Variants in ARHGAP42 observed in about 807,000 individuals in gnomAD.
ARHGAP42 encodes the protein Rho GTPase activating protein 42.
Under a neutral mutation model 125.0 loss-of-function variants are expected in ARHGAP42, and 63 were observed. The observed-to-expected ratio is 0.50, with a 90% CI of 0.41 to 0.62. The LOEUF (loss-of-function observed/expected upper bound fraction) is 0.62. Ranked by LOEUF, ARHGAP42 falls within the 20% of genes least tolerant of loss-of-function variation. The pLI is 0.00. For synonymous variants in ARHGAP42, 339 were observed against 351.0 expected, an observed-to-expected ratio of 0.97 and a Z score of 0.38; for missense variants, 766 against 1,024.2, an observed-to-expected ratio of 0.75 and a Z score of 3.44.
At position 100,690,891 on chromosome 11, in the gene ARHGAP42, C is replaced by T. The variant is rs754937461; in HGVS notation, c.154+3059C>T. Reference sequence around the variant, plus strand: ...CTGGTATTACAGGTGTGAGCCACCGCGCCCGGCCAACATCCATTATTACGT... The same window carrying T: ...CTGGTATTACAGGTGTGAGCCACCGTGCCCGGCCAACATCCATTATTACGT... On this transcript the variant is annotated intron_variant, in intron 1 of 23. Transcript: ENST00000298815. 5.9e-5 allele frequency among the ~76,000 whole-genome samples: 9 copies of T among 152,258 alleles called. No individual in the cohort carries two copies. In the East Asian group the frequency reaches 7.7e-4, roughly 13 times the overall value.
At chr11:100,961,634 A>G (rs1857958166) in intron 14 of ARHGAP42, 50 bp from the exon 15 acceptor site, 3 of 1,486,824 alleles carry the variant, frequency 2.0e-6, no homozygotes. Flanking sequence ...TAATTGCATA[A>G]GAAATATTTT....
intron 1 of ARHGAP42, among the ~76,000 whole-genome samples, chr11:100,749,803 T>G (rs1862401798): frequency 6.6e-6 from 1 of 152,196 alleles, no homozygotes; most frequent in African/African-American, 2.4e-5. Flanking sequence ...TAGGGTCGTT[T>G]GTGATCATTC....
At chr11:100,823,825 G>A (rs927111036) in intron 3 of ARHGAP42, among the ~76,000 whole-genome samples, 3 of 152,078 alleles carry the variant, frequency 2.0e-5, no homozygotes, top group Admixed American at 6.6e-5. Flanking sequence ...CCTCTGAGAA[G>A]CTCTTATGAT....
At chr11:100,853,113 C>T (rs1320946841) in intron 3 of ARHGAP42, among the ~76,000 whole-genome samples, 1 of 152,124 alleles carries the variant, frequency 6.6e-6, no homozygotes, top group African/African-American at 2.4e-5. Context: ...TTCTTAAATG[C>T]ATACATTTTG....
chr11:100,984,171 CA>C (rs979663245), intron 22 of ARHGAP42, among the ~76,000 whole-genome samples: 27 of 150,518 alleles, frequency 1.8e-4, no homozygotes, highest in African/African-American at 6.3e-4. Flanking sequence ...GCCAAAGGAA[CA>C]AATGCAGTGC....
chr11:100,706,500 A>G (rs1861484516), intron 1 of ARHGAP42, among the ~76,000 whole-genome samples: 1 of 152,218 alleles, frequency 6.6e-6, no homozygotes. Flanking sequence ...ATGTAGACTT[A>G]CCAGAAAGAG....
At chr11:100,891,169 T>C (rs1206603495) in intron 4 of ARHGAP42, among the ~76,000 whole-genome samples, 1 of 152,120 alleles carries the variant, frequency 6.6e-6, no homozygotes, top group Admixed American at 6.5e-5. Flanking sequence ...GTTTCAAACA[T>C]ATGTTTCATA....
chr11:100,831,160 A>G lies in ARHGAP42; in HGVS notation c.313-28394A>G, dbSNP rs151015280. 9.8e-4 allele frequency among the ~76,000 whole-genome samples: 149 copies of G among 152,196 alleles called. 1 individual carries two copies. The highest frequency in any genetic ancestry group is 3.1e-3 in the African/African-American group (129 of 41,528). ...TATTACCAAAGTGCCTGGAGCCTGA[A>G]TTTCCATGTGTGTGAACGGGGGCCA... On this transcript the variant is annotated intron_variant, in intron 3 of 23. Transcript: ENST00000298815.
intron 1 of ARHGAP42, among the ~76,000 whole-genome samples, chr11:100,754,623 T>C (rs973571139): frequency 6.6e-6 from 1 of 152,244 alleles, no homozygotes; most frequent in Non-Finnish European, 1.5e-5. Context: ...TTTATAGATG[T>C]ATTTTTAAAA....
chr11:100,917,893 A>G (rs1030329441), intron 5 of ARHGAP42, among the ~76,000 whole-genome samples: 9 of 152,040 alleles, frequency 5.9e-5, no homozygotes, highest in Admixed American at 5.3e-4. Context: ...TTTTGTATCA[A>G]ATTTATCTTT....
chr11:100,862,929 C>T (rs1278101708), intron 4 of ARHGAP42, among the ~76,000 whole-genome samples: 3 of 150,768 alleles, frequency 2.0e-5, no homozygotes, highest in Non-Finnish European at 4.4e-5. Context: ...CCCAGCTACT[C>T]GGGAGGCTGA....
intron 2 of ARHGAP42, among the ~76,000 whole-genome samples, chr11:100,775,460 C>G (rs989325990): frequency 2.0e-5 from 3 of 152,210 alleles, no homozygotes; most frequent in African/African-American, 7.2e-5. Context: ...CCCATTGCAT[C>G]AGTCCTGGAG....
At chr11:100,861,260 G>A (rs1434849033) in intron 4 of ARHGAP42, among the ~76,000 whole-genome samples, 6 of 152,210 alleles carry the variant, frequency 3.9e-5, no homozygotes, top group Admixed American at 2.0e-4. Context: ...CTTGGTCGGG[G>A]AGGGAAGAGC....
intron 1 of ARHGAP42, among the ~76,000 whole-genome samples, chr11:100,708,615 C>T (rs927642708): frequency 4.2e-4 from 64 of 152,214 alleles, no homozygotes; most frequent in African/African-American, 1.4e-3. Context: ...GGCAAAGTAA[C>T]ATCACTATTA....
chr11:100,803,311 G>T (rs1269719950), intron 3 of ARHGAP42, among the ~76,000 whole-genome samples: 7 of 152,138 alleles, frequency 4.6e-5, no homozygotes, highest in Non-Finnish European at 8.8e-5. Flanking sequence ...TTCAGGGGAG[G>T]AGCTGGGGCT....
At chr11:100,898,677 C>T (rs541852818) in intron 4 of ARHGAP42, among the ~76,000 whole-genome samples, 24 of 152,090 alleles carry the variant, frequency 1.6e-4, no homozygotes, top group Non-Finnish European at 2.5e-4. Context: ...TCTGTGAGGT[C>T]GGTGGTGATA....
chr11:100,823,932 A>T (rs1864455445), intron 3 of ARHGAP42, among the ~76,000 whole-genome samples: 1 of 152,210 alleles, frequency 6.6e-6, no homozygotes, highest in African/African-American at 2.4e-5. Flanking sequence ...TATTGAGGAT[A>T]TTTGAAAAGA....
At chr11:100,764,986 G>A (rs1862795777) in intron 1 of ARHGAP42, among the ~76,000 whole-genome samples, 1 of 152,154 alleles carries the variant, frequency 6.6e-6, no homozygotes, top group Non-Finnish European at 1.5e-5. Context: ...TGGAAAAAAT[G>A]AGGACTTGAG....
At position 100,753,736 on chromosome 11, in the gene ARHGAP42, C is replaced by T. The variant is rs1489384739; in HGVS notation, c.155-16607C>T. 2.0e-5 allele frequency among the ~76,000 whole-genome samples: 3 copies of T among 152,178 alleles called. No individual in the cohort carries two copies. In the East Asian group the frequency reaches 5.8e-4, roughly 29 times the overall value. Reference sequence around the variant, plus strand: ...CTACTTTTACATGCCCCACCGCTTGCTATATCAGTTCCCACACTGGATAGG... The same window carrying T: ...CTACTTTTACATGCCCCACCGCTTGTTATATCAGTTCCCACACTGGATAGG... On this transcript the variant is annotated intron_variant, in intron 1 of 23. Transcript: ENST00000298815.
Sources: gnomAD v4.1 joint callset for allele counts (sites outside exome capture counted in the v4.1 genomes callset) on GRCh38, gnomAD v4.1.1 for gene constraint, MANE v1.5 for transcripts, NCBI Gene and HGNC (gene_info 2026-07-23, HGNC 2026-07-21) for gene names.